SEPTIN10: variants seen among roughly 807,000 people sequenced by gnomAD.
The protein encoded by SEPTIN10 is septin 10, also known as septin-10.
Under a neutral mutation model 54.8 loss-of-function variants are expected in SEPTIN10, and 66 were observed. That is an observed-to-expected ratio of 1.21 (90% CI 0.99 to 1.48). SEPTIN10 has a LOEUF of 1.48. Among genes scored for constraint, SEPTIN10 ranks in the 40% most tolerant of loss-of-function variants. The pLI, the probability that SEPTIN10 is intolerant of heterozygous loss-of-function variation, is 0.00. For missense variants in SEPTIN10, 620 were observed against 545.6 expected (o/e 1.14, Z -1.36); for synonymous variants, 161 against 181.0 (o/e 0.89, Z 0.89).
At chr2:109,571,940 C>T (rs1302646648) in intron 5 of SEPTIN10, among the ~76,000 whole-genome samples, 3 of 152,162 alleles carry the variant, frequency 2.0e-5, no homozygotes, top group Admixed American at 6.5e-5. Flanking sequence ...TTGGGTTGGC[C>T]AGTTACCTCA....
At chr2:109,586,477 T>TA (rs1692566397) in intron 2 of SEPTIN10, among the ~76,000 whole-genome samples, 1 of 152,196 alleles carries the variant, frequency 6.6e-6, no homozygotes, top group Admixed American at 6.5e-5. Context: ...GTTATAGTCT[T>TA]AATGGGTTAA....
rs529031707 is a variant in SEPTIN10 at position 109,543,444 on chromosome 2, C to T, written c.*865G>A. 7.9e-5 allele frequency: 12 copies of T among 152,184 alleles called. No homozygotes were observed. The highest frequency in any genetic ancestry group is 2.6e-4 in the African/African-American group (11 of 41,520). 9.4% of individuals were successfully genotyped at this position (152,184 alleles called of 1,614,324 possible). ...AAGGCATAATAAAGCATGAAGTCATCATATTAAATAATCTGACACAAAAGC... is the reference window on the plus strand; with the variant it reads ...AAGGCATAATAAAGCATGAAGTCATTATATTAAATAATCTGACACAAAAGC... On this transcript the variant is annotated 3_prime_UTR_variant, in exon 11 of 11. Coordinates refer to ENST00000397712, the MANE Select transcript of SEPTIN10 (RefSeq NM_144710.5).
intron 1 of SEPTIN10, among the ~76,000 whole-genome samples, chr2:109,595,858 T>C (rs1262238451): frequency 6.6e-6 from 1 of 152,208 alleles, no homozygotes; most frequent in Non-Finnish European, 1.5e-5. Context: ...GTCAGAGCTC[T>C]GCATTAGACA....
intron 1 of SEPTIN10, among the ~76,000 whole-genome samples, chr2:109,600,837 C>G (rs1444593484): frequency 6.6e-6 from 1 of 152,268 alleles, no homozygotes; most frequent in Non-Finnish European, 1.5e-5. Flanking sequence ...AGGGTCCCCA[C>G]AACCCCCATC....
chr2:109,544,942 C>A (rs1204477027), intron 10 of SEPTIN10: 9 of 984,230 alleles, frequency 9.1e-6, no homozygotes, highest in Non-Finnish European at 9.6e-6. Flanking sequence ...AACAAACAAA[C>A]AAACAAAAAT....
At chr2:109,605,969 G>T (rs959577524) in intron 1 of SEPTIN10, among the ~76,000 whole-genome samples, 2 of 152,190 alleles carry the variant, frequency 1.3e-5, no homozygotes, top group Non-Finnish European at 2.9e-5. Flanking sequence ...GCATCATTAA[G>T]AACTGCCAAA....
At chr2:109,606,610 T>C (rs1698027358) in intron 1 of SEPTIN10, among the ~76,000 whole-genome samples, 1 of 150,226 alleles carries the variant, frequency 6.7e-6, no homozygotes, top group African/African-American at 2.5e-5. Flanking sequence ...CCACTAAAAG[T>C]TGAAAATAAT....
chr2:109,545,633 T>C, intron 10 of SEPTIN10: 2 of 1,517,094 alleles, frequency 1.3e-6, no homozygotes, highest in East Asian at 2.5e-5. Context: ...AAATACTATC[T>C]TATGTCTATA....
At position 109,585,664 on chromosome 2, in the gene SEPTIN10, G is replaced by A. The variant is rs1573686585; in HGVS notation, c.217+57C>T. On this transcript the variant is annotated intron_variant, in intron 3 of 10. Transcript: ENST00000397712. Reference sequence around the variant, plus strand: ...GCATTGTTCTGCCCATGACAAGAATGAAGTGAGCACAAGGAATATGAAGGA... The same window carrying A: ...GCATTGTTCTGCCCATGACAAGAATAAAGTGAGCACAAGGAATATGAAGGA... 7.0e-6 allele frequency: 8 copies of A among 1,143,334 alleles called. No homozygotes were observed. The East Asian group carries it at 1.9e-4, about 27-fold the overall frequency. 70.8% of individuals were successfully genotyped at this position (1,143,334 alleles called of 1,614,324 possible).
intron 8 of SEPTIN10, among the ~76,000 whole-genome samples, chr2:109,557,913 C>T (rs1482184290): frequency 6.6e-6 from 1 of 150,658 alleles, no homozygotes; most frequent in Non-Finnish European, 1.5e-5. Flanking sequence ...CTGCCTCTAC[C>T]ACCCAAGTAG....
intron 9 of SEPTIN10, among the ~76,000 whole-genome samples, chr2:109,552,115 G>A (rs1489983447): frequency 6.6e-6 from 1 of 152,212 alleles, no homozygotes; most frequent in Admixed American, 6.5e-5. Flanking sequence ...CTGTGCATGT[G>A]AGGGATCTTG....
chr2:109,606,048 AG>A (rs1248571901), intron 1 of SEPTIN10, among the ~76,000 whole-genome samples: 1 of 152,230 alleles, frequency 6.6e-6, no homozygotes, highest in Admixed American at 6.5e-5. Flanking sequence ...ATTTTGTGCA[AG>A]GATGTGTGAA....
At chr2:109,549,425 G>T (rs1682253006) in intron 9 of SEPTIN10, among the ~76,000 whole-genome samples, 1 of 152,068 alleles carries the variant, frequency 6.6e-6, no homozygotes, top group African/African-American at 2.4e-5. Flanking sequence ...CAAGGGGGCA[G>T]GGAAGTGTGA....
At chr2:109,598,348 G>A (rs1437437906) in intron 1 of SEPTIN10, among the ~76,000 whole-genome samples, 1 of 151,994 alleles carries the variant, frequency 6.6e-6, no homozygotes, top group African/African-American at 2.4e-5. Context: ...GATTATAGGC[G>A]TGAGCCACTG....
chr2:109,601,190 G>C (rs1696523630), intron 1 of SEPTIN10, among the ~76,000 whole-genome samples: 1 of 152,182 alleles, frequency 6.6e-6, no homozygotes, highest in South Asian at 2.1e-4. Flanking sequence ...GGATGAAACT[G>C]AAAGTCCCAA....
At position 109,613,898 on chromosome 2, in the gene SEPTIN10, G is replaced by A; in HGVS notation, c.-71C>T. The A allele has an allele frequency of 8.1e-7, 1 of 1,229,232 alleles. No homozygotes were observed. The highest frequency in any genetic ancestry group is 1.0e-6 in the Non-Finnish European group (1 of 986,582). The allele number at this position is 1,229,232 out of a possible 1,614,324, so 76.1% of individuals were successfully genotyped here. A position where few individuals can be genotyped will look rare whatever the true frequency, so the allele number is the denominator to read the frequency against. On this transcript the variant is annotated 5_prime_UTR_variant, in exon 1 of 11. Coordinates refer to ENST00000397712, the MANE Select transcript of SEPTIN10 (RefSeq NM_144710.5). ...CGAGCGGCTGGTCCCGGCGACGGCG[G>A]CGGGAAGGCCGGAGGGCAGAAGCAA...
intron 1 of SEPTIN10, among the ~76,000 whole-genome samples, chr2:109,606,866 G>A (rs1698117408): frequency 6.6e-6 from 1 of 151,794 alleles, no homozygotes; most frequent in Admixed American, 6.6e-5. Flanking sequence ...TGACCAGGCT[G>A]GTCTCAAACT....
chr2:109,560,968 C>T (rs1685523846), intron 8 of SEPTIN10, among the ~76,000 whole-genome samples: 1 of 152,202 alleles, frequency 6.6e-6, no homozygotes, highest in Non-Finnish European at 1.5e-5. Context: ...CTGGCCTCTC[C>T]TAAGCATCTC....
At chr2:109,568,093 G>C in intron 5 of SEPTIN10, 117 bp from the exon 6 acceptor site, 1 of 757,958 alleles carries the variant, frequency 1.3e-6, no homozygotes, top group Middle Eastern at 3.4e-4. Context: ...CCTAGATCGG[G>C]GGGCTGGCAA....
Sources: gnomAD v4.1 joint callset for allele counts (sites outside exome capture counted in the v4.1 genomes callset) on GRCh38, gnomAD v4.1.1 for gene constraint, MANE v1.5 for transcripts, NCBI Gene and HGNC (gene_info 2026-07-23, HGNC 2026-07-21) for gene names.